TRDN: variants seen among roughly 807,000 people sequenced by gnomAD.
The protein encoded by TRDN is triadin in skeletal muscle.
In TRDN, 161 loss-of-function variants were observed where a neutral mutation model predicts 149.7. That is an observed-to-expected ratio of 1.08 (90% CI 0.95 to 1.23). The LOEUF is 1.23. Ranked by LOEUF, TRDN falls within the 50% of genes most tolerant of loss-of-function variation. The pLI, the probability that TRDN is intolerant of heterozygous loss-of-function variation, is 0.00. For synonymous variants in TRDN, 294 were observed against 250.5 expected (o/e 1.17, Z -1.64); for missense variants, 896 against 823.5 (o/e 1.09, Z -1.08).
chr6:123,254,894 G>T, intron 37 of TRDN, 187 bp downstream of exon 37: 1 of 516,844 alleles, frequency 1.9e-6, no homozygotes, highest in Non-Finnish European at 3.6e-6. Context: ...ATTTCTTCAT[G>T]TTTTCTTATT....
chr6:123,626,828 G>A (rs1785695837), intron 1 of TRDN, among the ~76,000 whole-genome samples: 1 of 151,658 alleles, frequency 6.6e-6, no homozygotes, highest in Non-Finnish European at 1.5e-5. Flanking sequence ...TGAGAAAGTT[G>A]TCAATATAGT....
At chr6:123,518,112 C>T (rs1408824727) in intron 5 of TRDN, among the ~76,000 whole-genome samples, 2 of 152,010 alleles carry the variant, frequency 1.3e-5, no homozygotes, top group South Asian at 4.2e-4. Context: ...CTGCTTGCTT[C>T]CAATTATGTG....
intron 2 of TRDN, 129 bp downstream of exon 2, chr6:123,570,794 C>T: frequency 4.0e-6 from 3 of 753,278 alleles, no homozygotes; most frequent in Non-Finnish European, 6.4e-6. Context: ...CAGTGATCCT[C>T]AAGCACATTT....
intron 20 of TRDN, among the ~76,000 whole-genome samples, chr6:123,363,929 T>C (rs763766470): frequency 1.3e-5 from 2 of 152,208 alleles, no homozygotes; most frequent in Non-Finnish European, 2.9e-5. Context: ...CAGGCTGTAA[T>C]CTACTCTTGT....
At chr6:123,540,737 C>T (rs1780791773) in intron 4 of TRDN, among the ~76,000 whole-genome samples, 1 of 152,110 alleles carries the variant, frequency 6.6e-6, no homozygotes, top group Admixed American at 6.5e-5. Flanking sequence ...CCAGGATGGC[C>T]TCCATTTCCT....
At chr6:123,596,480 T>A (rs78973478) in intron 1 of TRDN, among the ~76,000 whole-genome samples, 3 of 152,056 alleles carry the variant, frequency 2.0e-5, no homozygotes, top group Admixed American at 6.6e-5. Context: ...AACAACAAAC[T>A]TTCAATGTGG....
chr6:123,584,868 A>C (rs1217372708), intron 1 of TRDN, among the ~76,000 whole-genome samples: 1 of 152,180 alleles, frequency 6.6e-6, no homozygotes, highest in African/African-American at 2.4e-5. Flanking sequence ...AGGCAAAACA[A>C]TTTGGTTGAT....
intron 9 of TRDN, among the ~76,000 whole-genome samples, chr6:123,485,108 A>G (rs934407452): frequency 2.0e-4 from 30 of 152,038 alleles, no homozygotes; most frequent in African/African-American, 6.8e-4. Context: ...TCAGAAAGCA[A>G]CTCTCATGAG....
intron 5 of TRDN, 95 bp from the exon 6 acceptor site, chr6:123,516,301 G>A: frequency 2.4e-6 from 3 of 1,274,094 alleles, no homozygotes; most frequent in South Asian, 2.0e-5. Context: ...TTTATCTTCT[G>A]TTTTTAGAAA....
chr6:123,459,108 T>C (rs2063908523), intron 10 of TRDN, among the ~76,000 whole-genome samples: 1 of 152,224 alleles, frequency 6.6e-6, no homozygotes, highest in African/African-American at 2.4e-5. Flanking sequence ...TCAATATCTA[T>C]ATCTCCCTCA....
At chr6:123,382,345 C>G (rs940502770) in intron 14 of TRDN, among the ~76,000 whole-genome samples, 198 bp from the exon 15 acceptor site, 3 of 151,066 alleles carry the variant, frequency 2.0e-5, no homozygotes, top group Non-Finnish European at 4.4e-5. Context: ...GAGTGAGAAA[C>G]TCTTTATAAA....
Position 123,381,956 on chromosome 6 carries a change from GCTCT to G in TRDN, c.1165+158_1165+161del, listed in dbSNP as rs55997261. 7.1e-3 allele frequency among the ~76,000 whole-genome samples: 988 copies of G among 138,446 alleles called. 6 individuals carry two copies. Among genetic ancestry groups the G allele is most frequent in the African/African-American group, 0.012 (438 of 37,216 alleles). The allele number at this position is 138,446 out of a possible 152,430, so 90.8% of individuals were successfully genotyped here. ...GCAGTATTGTCAGAATAGATTTGGC[GCTCT>G]CTCTCTCTCTCTCTCTCTCTCTCTC... On this transcript the variant is annotated intron_variant, in intron 15 of 40. Coordinates refer to ENST00000334268, the MANE Select transcript of TRDN (RefSeq NM_006073.4).
At chr6:123,477,479 AAC>A (rs1777544993) in intron 9 of TRDN, among the ~76,000 whole-genome samples, 4 of 148,654 alleles carry the variant, frequency 2.7e-5, no homozygotes, top group African/African-American at 1.0e-4. Flanking sequence ...AAACTAGTTC[AAC>A]CATTGTGGAA....
rs969711541 is a variant in TRDN at position 123,508,516 on chromosome 6, A to G, written c.610+3787T>C. ...GAAGGTCACACTGACATCCACATCA[A>G]TTAGACAGCCTGGCCCAAACTTGGC... On this transcript the variant is annotated intron_variant, in intron 7 of 40. Transcript: ENST00000334268. Among the ~76,000 whole-genome samples, 8 of 152,172 alleles carry G rather than the reference A, an allele frequency of 5.3e-5. No individual in the cohort carries two copies. The South Asian group carries it at 8.3e-4, about 16-fold the overall frequency.
At chr6:123,229,908 G>A (rs1775533196) in intron 38 of TRDN, among the ~76,000 whole-genome samples, 1 of 151,896 alleles carries the variant, frequency 6.6e-6, no homozygotes, top group South Asian at 2.1e-4. Context: ...CTCATTCTCA[G>A]CAAGCAATCT....
intron 24 of TRDN, among the ~76,000 whole-genome samples, chr6:123,313,097 T>G (rs1283837944): frequency 5.9e-5 from 9 of 152,172 alleles, no homozygotes; most frequent in African/African-American, 2.2e-4. Context: ...TGTGATTGCA[T>G]TTTTAGATTC....
chr6:123,393,503 T>C (rs933130895), intron 13 of TRDN, 121 bp downstream of exon 13: 49 of 758,906 alleles, frequency 6.5e-5, no homozygotes, highest in Middle Eastern at 2.9e-4. Flanking sequence ...TTCAACAATA[T>C]TTTTTTTGCA....
chr6:123,370,082 T>C (rs567172249), intron 19 of TRDN, among the ~76,000 whole-genome samples: 21 of 152,310 alleles, frequency 1.4e-4, no homozygotes, highest in African/African-American at 5.1e-4. Context: ...GCATATAACA[T>C]TTGTGCACAT....
intron 35 of TRDN, among the ~76,000 whole-genome samples, chr6:123,258,171 G>A (rs1268348314): frequency 6.6e-6 from 1 of 152,100 alleles, no homozygotes; most frequent in African/African-American, 2.4e-5. Flanking sequence ...CCAATACTAT[G>A]TTGAATAGGA....
Sources: gnomAD v4.1 joint callset for allele counts (sites outside exome capture counted in the v4.1 genomes callset) on GRCh38, gnomAD v4.1.1 for gene constraint, MANE v1.5 for transcripts, NCBI Gene and HGNC (gene_info 2026-07-23, HGNC 2026-07-21) for gene names.